LIMA1: variants seen among roughly 807,000 people sequenced by gnomAD.
The protein encoded by LIMA1 is LIM domain and actin binding 1, also known as LIM domain and actin-binding protein 1.
LIMA1 carries 52 observed loss-of-function variants against 62.6 expected under a neutral mutation model. The observed-to-expected ratio is 0.83, with a 90% CI of 0.67 to 1.05. The LOEUF (loss-of-function observed/expected upper bound fraction) is 1.05, where lower values mean the gene tolerates loss of function less well. Among genes scored for constraint, LIMA1 ranks in the 50% least tolerant of loss-of-function variants. The probability of loss-of-function intolerance (pLI) is 0.00; values close to 1 mark genes in which losing one functional copy is unlikely to be tolerated. For synonymous variants in LIMA1, 302 were observed against 317.8 expected, an observed-to-expected ratio of 0.95 and a Z score of 0.53; for missense variants, 780 against 902.2, an observed-to-expected ratio of 0.86 and a Z score of 1.74.
intron 4 of LIMA1, among the ~76,000 whole-genome samples, chr12:50,212,500 A>G (rs1223134663): frequency 2.6e-5 from 4 of 152,218 alleles, no homozygotes; most frequent in Non-Finnish European, 4.4e-5. Flanking sequence ...TAAGTAAAAT[A>G]ATACACATAG....
intron 9 of LIMA1, among the ~76,000 whole-genome samples, chr12:50,185,078 C>T (rs906454181): frequency 6.6e-6 from 1 of 152,200 alleles, no homozygotes; most frequent in Non-Finnish European, 1.5e-5. Flanking sequence ...GATCTGCCCA[C>T]CTTGGCCTCC....
At chr12:50,193,382 G>C (rs925654738) in intron 8 of LIMA1, among the ~76,000 whole-genome samples, 4 of 150,276 alleles carry the variant, frequency 2.7e-5, no homozygotes, top group Admixed American at 6.7e-5. Flanking sequence ...TTCAGTTGTA[G>C]GGTTTTCAGT....
intron 3 of LIMA1, among the ~76,000 whole-genome samples, chr12:50,230,493 G>C (rs1941594096): frequency 6.6e-6 from 1 of 152,136 alleles, no homozygotes; most frequent in Non-Finnish European, 1.5e-5. Context: ...AGCAAGTTGG[G>C]GGAAAAACAG....
intron 7 of LIMA1, among the ~76,000 whole-genome samples, chr12:50,196,922 A>G (rs1940941796): frequency 6.6e-6 from 1 of 152,168 alleles, no homozygotes; most frequent in Non-Finnish European, 1.5e-5. Context: ...CAAATGCACT[A>G]TTTTATCTAA....
At chr12:50,212,646 T>A (rs1452901299) in intron 4 of LIMA1, among the ~76,000 whole-genome samples, 1 of 152,166 alleles carries the variant, frequency 6.6e-6, no homozygotes, top group African/African-American at 2.4e-5. Flanking sequence ...TCTATTAATT[T>A]AAGTAGACAA....
intron 8 of LIMA1, among the ~76,000 whole-genome samples, chr12:50,193,323 A>T (rs1165018109): frequency 2.6e-5 from 4 of 151,458 alleles, no homozygotes; most frequent in Non-Finnish European, 5.9e-5. Flanking sequence ...TTTTTCTCCG[A>T]AATTTTAAGG....
intron 1 of LIMA1, among the ~76,000 whole-genome samples, chr12:50,276,730 C>T (rs545841541): frequency 2.0e-5 from 3 of 152,096 alleles, no homozygotes; most frequent in Admixed American, 1.3e-4. Flanking sequence ...ATTAGCTAGG[C>T]GTGGTGGCAT....
At chr12:50,234,096 G>GA (rs1181060391) in intron 2 of LIMA1, 1 of 458,526 alleles carries the variant, frequency 2.2e-6, no homozygotes, top group Non-Finnish European at 4.5e-6. Context: ...AGACCTCTGA[G>GA]AAAAAAATTA....
At chr12:50,236,755 C>T (rs565570025) in intron 2 of LIMA1, among the ~76,000 whole-genome samples, 6 of 151,968 alleles carry the variant, frequency 3.9e-5, no homozygotes, top group African/African-American at 7.2e-5. Context: ...CACACACACA[C>T]GCACACGCAC....
intron 4 of LIMA1, among the ~76,000 whole-genome samples, chr12:50,209,812 T>C (rs1302185096): frequency 6.6e-6 from 1 of 151,926 alleles, no homozygotes; most frequent in Admixed American, 6.6e-5. Flanking sequence ...ATTACAGGCG[T>C]CTGCTACCAC....
intron 1 of LIMA1, among the ~76,000 whole-genome samples, chr12:50,260,147 C>CT (rs869151267): frequency 0.02 from 2,705 of 135,288 alleles, 82 homozygotes; most frequent in African/African-American, 0.064. Context: ...CCTAGAGTTT[C>CT]TTTTTTTTTT....
intron 8 of LIMA1, among the ~76,000 whole-genome samples, chr12:50,193,666 ATTTTT>A (rs1166489086): frequency 2.0e-4 from 12 of 60,006 alleles, no homozygotes; most frequent in African/African-American, 8.2e-4. Context: ...ATATATATAT[ATTTTT>A]TTTTTTTTTT....
At chr12:50,204,424 G>A (rs1312929029) in intron 6 of LIMA1, 128 bp downstream of exon 6, 6 of 1,100,252 alleles carry the variant, frequency 5.5e-6, no homozygotes, top group Non-Finnish European at 6.2e-6. Flanking sequence ...GGGTTCATGT[G>A]AAAAGAGAAC....
rs746909524 is a variant in LIMA1, at chr12:50,205,950, A to G, written c.715+34T>C. ...ATGTTACTACTAGTGAGTACTTCCTAAAGGACCTCATACACATGGAACTCT... is the reference window on the plus strand; with the variant it reads ...ATGTTACTACTAGTGAGTACTTCCTGAAGGACCTCATACACATGGAACTCT... On this transcript the variant is annotated intron_variant, in intron 5 of 10. Transcript: ENST00000341247. 5 of 1,531,468 alleles carry G rather than the reference A, an allele frequency of 3.3e-6. No individual in the cohort carries two copies. In the East Asian group the frequency reaches 6.8e-5, roughly 21 times the overall value. 94.9% of individuals were successfully genotyped at this position (1,531,468 alleles called of 1,614,324 possible).
chr12:50,257,740 G>A (rs993057913), intron 1 of LIMA1, among the ~76,000 whole-genome samples: 2 of 152,122 alleles, frequency 1.3e-5, no homozygotes, highest in African/African-American at 4.8e-5. Context: ...CACACCCTTA[G>A]TTCAGTCTTA....
chr12:50,205,960 A>G (rs1819691271), intron 5 of LIMA1, 24 bp downstream of exon 5: 4 of 1,581,390 alleles, frequency 2.5e-6, no homozygotes, highest in Non-Finnish European at 3.5e-6. Flanking sequence ...AAAGGACCTC[A>G]TACACATGGA....
At chr12:50,205,007 T>C (rs999284289) in intron 5 of LIMA1, among the ~76,000 whole-genome samples, 4 of 152,192 alleles carry the variant, frequency 2.6e-5, no homozygotes, top group African/African-American at 9.7e-5. Flanking sequence ...AGGAATATAA[T>C]TGTCATTTAT....
chr12:50,232,190 G>T (rs1941622067), intron 2 of LIMA1, among the ~76,000 whole-genome samples: 1 of 151,206 alleles, frequency 6.6e-6, no homozygotes, highest in African/African-American at 2.4e-5. Flanking sequence ...CTCCTGAGTG[G>T]CTGGGACTAT....
intron 9 of LIMA1, chr12:50,185,701 T>C: frequency 3.0e-6 from 1 of 338,282 alleles, no homozygotes; most frequent in Non-Finnish European, 5.8e-6. Flanking sequence ...AGTGTCTCAT[T>C]AACAATTCTT....
Sources: gnomAD v4.1 joint callset for allele counts (sites outside exome capture counted in the v4.1 genomes callset) on GRCh38, gnomAD v4.1.1 for gene constraint, MANE v1.5 for transcripts, NCBI Gene and HGNC (gene_info 2026-07-23, HGNC 2026-07-21) for gene names.